CDH15: variants seen among roughly 807,000 people sequenced by gnomAD.
The protein encoded by CDH15 is cadherin 15.
A neutral mutation model predicts 69.4 loss-of-function variants in CDH15; 73 were observed. The observed-to-expected ratio is 1.05, with a 90% CI of 0.87 to 1.28. The LOEUF is 1.28. CDH15 is among the 50% of genes most tolerant of loss of function. The pLI is 0.00. For missense variants in CDH15, 1,343 were observed against 1,133.6 expected (o/e 1.18, Z -2.65); for synonymous variants, 624 against 507.7 (o/e 1.23, Z -3.08).
chr16:89,177,357 T>C (rs894187335), intron 1 of CDH15, among the ~76,000 whole-genome samples: 1 of 152,140 alleles, frequency 6.6e-6, no homozygotes, highest in Non-Finnish European at 1.5e-5. Context: ...ACACAGCTCC[T>C]CACTTTTGCC....
Position 89,195,267 on chromosome 16 carries a change from T to A in CDH15, c.*112T>A. On this transcript the variant is annotated 3_prime_UTR_variant, in exon 14 of 14. Coordinates refer to ENST00000289746, the MANE Select transcript of CDH15 (RefSeq NM_004933.3). ...CCCCCTGGGCCTGGGGCAGCCTCCT[T>A]CCTGTAGGCGAGGGCCCAAGTCTGG... 8.4e-7 allele frequency: 1 copy of A among 1,185,546 alleles called. No homozygotes were observed. The highest frequency in any genetic ancestry group is 1.6e-5 in the South Asian group (1 of 61,950). The allele number at this position is 1,185,546 out of a possible 1,614,324, so 73.4% of individuals were successfully genotyped here. A position where few individuals can be genotyped will look rare whatever the true frequency, so the allele number is the denominator to read the frequency against.
chr16:89,190,338 C>T lies in CDH15; in HGVS notation c.1074C>T (p.Gly358=), dbSNP rs764335526. ...LQAAALRAER[G]QAKVRVHVQD... is the part of the protein sequence containing the mutation. Reference sequence around the variant, plus strand: ...CGGCTGCCCTTAGGGCTGAGCGGGGCCAGGCCAAGGTCCGCGTGCATGTGC... The same window carrying T: ...CGGCTGCCCTTAGGGCTGAGCGGGGTCAGGCCAAGGTCCGCGTGCATGTGC... The change falls in exon 8 of 14, where the codon GGC becomes GGT. Residue 358 remains glycine (G), a synonymous_variant. Coordinates refer to ENST00000289746, the MANE Select transcript of CDH15 (RefSeq NM_004933.3). 2.0e-5 allele frequency: 32 copies of T among 1,612,442 alleles called. No homozygotes were observed. In the South Asian group the frequency reaches 3.5e-4, roughly 18 times the overall value.
In CDH15 at chr16:89,195,406, C is replaced by A. The variant is rs945185945; in HGVS notation, c.*251C>A. 2 of 537,334 alleles carry A rather than the reference C, an allele frequency of 3.7e-6. No individual in the cohort carries two copies. The highest frequency in any genetic ancestry group is 6.6e-6 in the Non-Finnish European group (2 of 302,804). 33.3% of individuals were successfully genotyped at this position (537,334 alleles called of 1,614,324 possible). On this transcript the variant is annotated 3_prime_UTR_variant, in exon 14 of 14. Transcript: ENST00000289746. ...GTCACCTCCCTAGTCCCACCTTTGCCTCCTACCAGTGAACCTCATCTTTGT... is the reference window on the plus strand; with the variant it reads ...GTCACCTCCCTAGTCCCACCTTTGCATCCTACCAGTGAACCTCATCTTTGT...
intron 10 of CDH15, 135 bp from the exon 11 acceptor site, chr16:89,192,070 T>C: frequency 7.1e-6 from 9 of 1,262,330 alleles, no homozygotes; most frequent in Non-Finnish European, 9.7e-6. Flanking sequence ...TTACTCATTG[T>C]GCCCAGAGGA....
chr16:89,194,708 C>T (rs184192716), intron 13 of CDH15, among the ~76,000 whole-genome samples, 154 bp from the exon 14 acceptor site: 4 of 152,338 alleles, frequency 2.6e-5, no homozygotes, highest in Middle Eastern at 3.4e-3. Context: ...GCCCTCAGGA[C>T]GCTTTGCCTC....
intron 5 of CDH15, 121 bp from the exon 6 acceptor site, chr16:89,187,308 A>G (rs529617656): frequency 1.3e-5 from 16 of 1,192,604 alleles, no homozygotes; most frequent in East Asian, 1.0e-4. Context: ...GGGGTCTTCA[A>G]CACCCACTGG....
rs772141635 is a variant in CDH15 at position 89,194,960 on chromosome 16, C to T, written c.2250C>T (p.Ser750=). The change falls in exon 14 of 14, where the codon AGC becomes AGT. Residue 750 remains serine (S), a synonymous_variant. Coordinates refer to ENST00000289746, the MANE Select transcript of CDH15 (RefSeq NM_004933.3). The stretch of plus-strand genomic sequence containing the variant: ...ACGGCTCGGTGGCGGGGACGCTGAG[C>T]TCCATCCTGTCCAGCCAGGGCGATG... ...EGDGSVAGTL[S]SILSSQGDED... 1.9e-6 allele frequency: 3 copies of T among 1,610,082 alleles called. No individual in the cohort carries two copies. Among genetic ancestry groups the T allele is most frequent in the South Asian group, 1.1e-5 (1 of 90,650 alleles).
rs74033419 is a variant in CDH15 at position 89,171,990 on chromosome 16, G to A, written c.42+117G>A. 4.0e-3 allele frequency: 4,535 copies of A among 1,136,218 alleles called. 133 individuals are homozygous for A. The African/African-American group carries it at 0.062, about 16-fold the overall frequency. 70.4% of individuals were successfully genotyped at this position (1,136,218 alleles called of 1,614,324 possible). ...ACCACTGGCCCTGGTCGCCTTTGGG[G>A]GCCTGTGAGCGGAGTGGCTCCGGGT... On this transcript the variant is annotated intron_variant, in intron 1 of 13. Coordinates refer to ENST00000289746, the MANE Select transcript of CDH15 (RefSeq NM_004933.3).
Position 89,179,470 on chromosome 16 carries a change from C to G in CDH15, c.97C>G (p.Pro33Ala). The G allele has an allele frequency of 3.7e-6, 6 of 1,613,580 alleles. No homozygotes were observed. The highest frequency in any genetic ancestry group is 5.1e-6 in the Non-Finnish European group (6 of 1,179,902). ...PGWRRPTTLY[P>A]WRRAPALSRV... The stretch of plus-strand genomic sequence containing the variant: ...ATGGAGGAGGCCCACCACCCTGTAC[C>G]CCTGGCGCCGGGCGCCTGCCCTGAG... The change falls in exon 2 of 14, where the codon CCC becomes GCC. Residue 33 changes from proline to alanine, a missense_variant. Pro to Ala is a conservative substitution (Grantham distance 27). Transcript: ENST00000289746.
At chr16:89,192,152 C>T in intron 10 of CDH15, 53 bp from the exon 11 acceptor site, 1 of 1,481,872 alleles carries the variant, frequency 6.7e-7, no homozygotes, top group Admixed American at 2.3e-5. Context: ...GGAGGGCAGG[C>T]GAAGTGGGGG....
At chr16:89,187,323 TC>T (rs1368357600) in intron 5 of CDH15, 105 bp from the exon 6 acceptor site, 3 of 1,371,618 alleles carry the variant, frequency 2.2e-6, no homozygotes, top group Non-Finnish European at 3.0e-6. Flanking sequence ...CACTGGGTGC[TC>T]CCGTAGGAAC....
rs1222991265 is a variant in CDH15 at position 89,195,181 on chromosome 16, C to A, written c.*26C>A. On this transcript the variant is annotated 3_prime_UTR_variant, in exon 14 of 14. Coordinates refer to ENST00000289746, the MANE Select transcript of CDH15 (RefSeq NM_004933.3). ...CCCTGGGGCGCAACTGGACATGCCA[C>A]TCCCCGGCCTCGTGGCAGTGATGGC... The A allele has an allele frequency of 6.5e-7, 1 of 1,547,410 alleles. No individual in the cohort carries two copies. Among genetic ancestry groups the A allele is most frequent in the Non-Finnish European group, 8.7e-7 (1 of 1,148,978 alleles).
At chr16:89,184,953 G>A (rs1045150863) in intron 4 of CDH15, among the ~76,000 whole-genome samples, 10 of 152,342 alleles carry the variant, frequency 6.6e-5, no homozygotes, top group East Asian at 3.9e-4. Flanking sequence ...GACACAGCAC[G>A]GTGGGCTTCA....
intron 1 of CDH15, among the ~76,000 whole-genome samples, chr16:89,173,875 C>T (rs563999152): frequency 2.9e-4 from 44 of 152,370 alleles, no homozygotes; most frequent in African/African-American, 9.4e-4. Flanking sequence ...GACCCCACCC[C>T]AGCTGGGAGG....
Position 89,193,480 on chromosome 16 carries a change from G to C in CDH15, c.1866G>C (p.Leu622=). The part of the protein sequence containing the change: ...ASALLLLVLV[L]LVALRARFWK... ...CCCCTCATTCCCCAGTGCTGGTCCT[G>C]CTCGTGGCACTCCGGGCGCGGTTCT... The change falls in exon 12 of 14, where the codon CTG becomes CTC. Residue 622 remains leucine, a synonymous_variant. Transcript: ENST00000289746. 2 of 1,611,144 alleles carry C rather than the reference G, an allele frequency of 1.2e-6. No homozygotes were observed. Among genetic ancestry groups the C allele is most frequent in the Non-Finnish European group, 1.7e-6 (2 of 1,179,522 alleles).
intron 7 of CDH15, 146 bp from the exon 8 acceptor site, chr16:89,190,097 A>G: frequency 1.2e-6 from 1 of 849,556 alleles, no homozygotes; most frequent in Non-Finnish European, 1.9e-6. Flanking sequence ...CTTGTCCTGC[A>G]TAATTTGTTT....
At chr16:89,194,270 C>G (rs117716265) in intron 13 of CDH15, among the ~76,000 whole-genome samples, 10,898 of 152,296 alleles carry the variant, frequency 0.072, 499 homozygotes, top group Non-Finnish European at 0.1. Flanking sequence ...AGAAGACCCT[C>G]TGGACACAGC....
In CDH15 at chr16:89,195,017, G is replaced by C. The variant is rs745672883; in HGVS notation, c.2307G>C (p.Trp769Cys). Residue 769 changes from tryptophan to cysteine, a missense_variant, in exon 14 of 14, where the codon TGG becomes TGC. Trp to Cys is a radical substitution (Grantham distance 215). Transcript: ENST00000289746. ...AGGACTACGACTACCTCAGAGACTG[G>C]GGGCCCCGCTTCGCCCGGCTGGCAG... is the stretch of plus-strand genomic sequence containing the variant. ...EDQDYDYLRD[W>C]GPRFARLADM... 6.2e-7 allele frequency: 1 copy of C among 1,612,168 alleles called. No individual in the cohort carries two copies. The highest frequency in any genetic ancestry group is 1.3e-5 in the African/African-American group (1 of 74,916).
chr16:89,193,428 CGCCCTGT>C, intron 11 of CDH15, 35 bp from the exon 12 acceptor site: 1 of 1,559,114 alleles, frequency 6.4e-7, no homozygotes, highest in Non-Finnish European at 8.7e-7. Flanking sequence ...CCTGAAGTCG[CGCCCTGT>C]GCCTGGCCCC....
Sources: gnomAD v4.1 joint callset for allele counts (sites outside exome capture counted in the v4.1 genomes callset) on GRCh38, gnomAD v4.1.1 for gene constraint, MANE v1.5 for transcripts, NCBI Gene and HGNC (gene_info 2026-07-23, HGNC 2026-07-21) for gene names.